Variants in FSHR observed in about 807,000 individuals in gnomAD.
FSHR encodes follicle-stimulating hormone receptor.
FSHR carries 46 observed loss-of-function variants against 52.1 expected under a neutral mutation model. The ratio of observed to expected loss-of-function variants is 0.88; its 90% CI spans 0.70 to 1.13. The LOEUF (loss-of-function observed/expected upper bound fraction) is 1.13. Among genes scored for constraint, FSHR ranks in the 50% most tolerant of loss-of-function variants. The probability of loss-of-function intolerance (pLI) is 0.00; values close to 1 mark genes in which losing one functional copy is unlikely to be tolerated. For missense variants in FSHR, 964 were observed against 834.6 expected (o/e 1.16, Z -1.91); for synonymous variants, 399 against 309.6 (o/e 1.29, Z -3.03).
chr2:49,128,440 G>A (rs1330034331), intron 1 of FSHR, among the ~76,000 whole-genome samples: 1 of 151,972 alleles, frequency 6.6e-6, no homozygotes, highest in Non-Finnish European at 1.5e-5. Flanking sequence ...AATATTAAGA[G>A]TAAAGACAAA....
intron 1 of FSHR, among the ~76,000 whole-genome samples, chr2:49,140,697 C>T (rs1393683796): frequency 6.6e-6 from 1 of 151,230 alleles, no homozygotes; most frequent in African/African-American, 2.4e-5. Context: ...GAGTGAGACT[C>T]CATCTCAAAA....
intron 1 of FSHR, among the ~76,000 whole-genome samples, chr2:49,082,099 A>G (rs1222282620): frequency 2.0e-5 from 3 of 152,196 alleles, no homozygotes; most frequent in Non-Finnish European, 4.4e-5. Flanking sequence ...TGATTTCTGC[A>G]TTTCCATCTG....
chr2:49,057,886 T>A (rs1383369389), intron 2 of FSHR, among the ~76,000 whole-genome samples: 1 of 152,160 alleles, frequency 6.6e-6, no homozygotes, highest in Non-Finnish European at 1.5e-5. Context: ...TTAGTAAACA[T>A]GATACATTAA....
intron 1 of FSHR, among the ~76,000 whole-genome samples, chr2:49,085,033 A>G (rs1434244454): frequency 1.3e-5 from 2 of 152,094 alleles, no homozygotes; most frequent in African/African-American, 4.8e-5. Context: ...CCTGGTAGAG[A>G]CACAACAAAA....
chr2:49,119,122 G>T (rs951429702), intron 1 of FSHR, among the ~76,000 whole-genome samples: 3 of 152,146 alleles, frequency 2.0e-5, no homozygotes, highest in African/African-American at 7.2e-5. Context: ...GACACATGAC[G>T]TGGACCCCGG....
intron 2 of FSHR, among the ~76,000 whole-genome samples, chr2:49,040,138 T>C (rs923054829): frequency 1.3e-5 from 2 of 152,348 alleles, no homozygotes; most frequent in African/African-American, 4.8e-5. Context: ...TACTGGAGTT[T>C]GCTGCGCTAC....
At chr2:49,012,606 C>T (rs1206720455) in intron 4 of FSHR, among the ~76,000 whole-genome samples, 1 of 152,090 alleles carries the variant, frequency 6.6e-6, no homozygotes, top group Non-Finnish European at 1.5e-5. Flanking sequence ...AGCAACTCAC[C>T]CCTACCCCTT....
intron 2 of FSHR, among the ~76,000 whole-genome samples, chr2:49,048,233 G>A (rs370625091): frequency 6.6e-6 from 1 of 150,906 alleles, no homozygotes; most frequent in African/African-American, 2.4e-5. Flanking sequence ...CATACCTCAA[G>A]AAGACTGGAA....
chr2:49,042,784 G>T (rs897934475), intron 2 of FSHR, among the ~76,000 whole-genome samples: 2 of 152,164 alleles, frequency 1.3e-5, no homozygotes, highest in African/African-American at 2.4e-5. Flanking sequence ...AGAGACAGAG[G>T]TTAATGAGGA....
rs535783005 is a variant in FSHR at position 49,070,994 on chromosome 2, A to T, written c.153-2704T>A. Among the ~76,000 whole-genome samples, 11 of 152,284 alleles carry T rather than the reference A, an allele frequency of 7.2e-5. No individual in the cohort carries two copies. The South Asian group carries it at 1.4e-3, about 20-fold the overall frequency. On this transcript the variant is annotated intron_variant, in intron 1 of 9. Coordinates refer to ENST00000406846, the MANE Select transcript of FSHR (RefSeq NM_000145.4). ...ATTCTAAGAGGGTAAACTAAAACCA[A>T]GGAACCCTGGGGGAGTTTCTGAACT...
intron 8 of FSHR, among the ~76,000 whole-genome samples, chr2:48,979,803 C>CTT (rs756359138): frequency 0.038 from 5,722 of 151,678 alleles, 231 homozygotes; most frequent in African/African-American, 0.11. Context: ...ATATCACAGT[C>CTT]TTTGTGTGTG....
intron 8 of FSHR, among the ~76,000 whole-genome samples, chr2:48,973,695 G>A (rs1409999531): frequency 2.0e-5 from 3 of 152,180 alleles, no homozygotes; most frequent in Admixed American, 6.5e-5. Context: ...CATTCTCAGC[G>A]GTGCCTTTCA....
At chr2:48,979,366 G>A (rs191466321) in intron 8 of FSHR, among the ~76,000 whole-genome samples, 100 of 152,152 alleles carry the variant, frequency 6.6e-4, no homozygotes, top group Non-Finnish European at 1.2e-3. Flanking sequence ...ACTAGAGCTC[G>A]GGAGTTTAAC....
chr2:49,033,682 G>C (rs1210593374), intron 2 of FSHR, among the ~76,000 whole-genome samples: 2 of 151,990 alleles, frequency 1.3e-5, no homozygotes. Flanking sequence ...GCCCCTTTGA[G>C]AGCCCTCCTC....
chr2:48,981,748 A>G (rs1157505741), intron 8 of FSHR, among the ~76,000 whole-genome samples: 1 of 152,206 alleles, frequency 6.6e-6, no homozygotes, highest in African/African-American at 2.4e-5. Context: ...CTAGAGGTAC[A>G]CAGGTTCCAG....
At chr2:48,975,453 T>C (rs1310163391) in intron 8 of FSHR, among the ~76,000 whole-genome samples, 1 of 152,188 alleles carries the variant, frequency 6.6e-6, no homozygotes, top group African/African-American at 2.4e-5. Context: ...CCAGTGCATG[T>C]CTGTCTCCTT....
At chr2:49,069,097 G>T (rs1229785169) in intron 1 of FSHR, among the ~76,000 whole-genome samples, 1 of 151,984 alleles carries the variant, frequency 6.6e-6, no homozygotes, top group Non-Finnish European at 1.5e-5. Flanking sequence ...CCTTCCAATG[G>T]CTCCTCATCT....
chr2:49,084,274 A>G (rs1194275548), intron 1 of FSHR, among the ~76,000 whole-genome samples: 3 of 152,176 alleles, frequency 2.0e-5, no homozygotes, highest in African/African-American at 7.2e-5. Flanking sequence ...GAAGGCAGAA[A>G]TAAAGATGTT....
chr2:49,021,882 TATATAGAGAGAGAGAG>T (rs1421396208), intron 2 of FSHR, among the ~76,000 whole-genome samples: 88 of 43,918 alleles, frequency 2.0e-3, no homozygotes, highest in East Asian at 0.011. Context: ...TATATATATA[TATATAGAGAGAGAGAG>T]AGAGAGAGAG....
Sources: allele counts gnomAD v4.1 joint callset (sites outside exome capture counted in the v4.1 genomes callset), GRCh38; gene constraint gnomAD v4.1.1; transcripts MANE v1.5; gene names NCBI Gene and HGNC (gene_info 2026-07-23, HGNC 2026-07-21).